SCFD2: variants seen among roughly 807,000 people sequenced by gnomAD.
SCFD2 encodes the protein sec1 family domain-containing protein 2.
SCFD2 carries 54 observed loss-of-function variants against 58.9 expected under a neutral mutation model. The ratio of observed to expected loss-of-function variants is 0.92; its 90% CI spans 0.74 to 1.15. The LOEUF is 1.15. Among genes scored for constraint, SCFD2 ranks in the 50% most tolerant of loss-of-function variants. The pLI is 0.00. For synonymous variants in SCFD2, 321 were observed against 335.9 expected (o/e 0.96, Z 0.49); for missense variants, 805 against 836.6 (o/e 0.96, Z 0.47).
intron 5 of SCFD2, among the ~76,000 whole-genome samples, chr4:53,144,264 C>A (rs1726252386): frequency 6.6e-6 from 1 of 150,928 alleles, no homozygotes; most frequent in Non-Finnish European, 1.5e-5. Flanking sequence ...CTGGGCAACA[C>A]AGTGAGGCCC....
chr4:53,069,435 C>T (rs1277554582), intron 5 of SCFD2, among the ~76,000 whole-genome samples: 2 of 152,026 alleles, frequency 1.3e-5, no homozygotes, highest in Admixed American at 6.6e-5. Flanking sequence ...TGCATACAGA[C>T]TTCATCAGCA....
At position 52,885,771 on chromosome 4, in the gene SCFD2, C is replaced by T. The variant is rs771454314; in HGVS notation, c.1938G>A (p.Val646=). The T allele has an allele frequency of 6.2e-7, 1 of 1,614,066 alleles. No homozygotes were observed. The highest frequency in any genetic ancestry group is 8.5e-7 in the Non-Finnish European group (1 of 1,179,952). ...VSEVKMVKDL[V]ASLKPGTQVI... ...CCTGGGTTCCTGGCTTCAACGATGC[C>T]ACAAGATCTTTGACCATTTTCACTT... The change falls in exon 8 of 9, where the codon GTG becomes GTA. Residue 646 remains valine (V), a synonymous_variant. Coordinates refer to ENST00000401642, the MANE Select transcript of SCFD2 (RefSeq NM_152540.4).
chr4:52,969,656 G>A (rs1560497122), intron 5 of SCFD2, among the ~76,000 whole-genome samples: 1 of 152,204 alleles, frequency 6.6e-6, no homozygotes, highest in Non-Finnish European at 1.5e-5. Context: ...CTCAGTGATT[G>A]TGGAAGTGTG....
At chr4:53,179,258 G>A (rs192701382) in intron 4 of SCFD2, among the ~76,000 whole-genome samples, 1 of 152,124 alleles carries the variant, frequency 6.6e-6, no homozygotes, top group Non-Finnish European at 1.5e-5. Context: ...GAGAAAGGTT[G>A]GGTTACCCAC....
intron 7 of SCFD2, among the ~76,000 whole-genome samples, chr4:52,890,916 T>C (rs967863139): frequency 6.6e-6 from 1 of 152,130 alleles, no homozygotes; most frequent in Non-Finnish European, 1.5e-5. Context: ...GGATCCTGAT[T>C]CCTCCTCCAC....
At chr4:53,167,032 T>A (rs1727032313) in intron 4 of SCFD2, among the ~76,000 whole-genome samples, 1 of 152,188 alleles carries the variant, frequency 6.6e-6, no homozygotes, top group South Asian at 2.1e-4. Context: ...ATTAATCATC[T>A]CTTCTTCAGA....
rs562559336 is a variant in SCFD2, at chr4:53,085,950, G to A, written c.1561+59383C>T. Among the ~76,000 whole-genome samples the A allele has an allele frequency of 1.3e-4, 20 of 152,100 alleles. 1 individual carries two copies. The highest frequency in any genetic ancestry group is 9.6e-4 in the East Asian group (5 of 5,184). ...TATGAAACCACTACAAGAAAATACCGTGGCAACTCTCCAGGAAATTGATTT... is the reference window on the plus strand; with the variant it reads ...TATGAAACCACTACAAGAAAATACCATGGCAACTCTCCAGGAAATTGATTT... On this transcript the variant is annotated intron_variant, in intron 5 of 8. Transcript: ENST00000401642.
At chr4:52,975,894 A>G (rs1721246423) in intron 5 of SCFD2, among the ~76,000 whole-genome samples, 1 of 151,994 alleles carries the variant, frequency 6.6e-6, no homozygotes. Context: ...GAAGCTGGAA[A>G]CCATCATTCT....
chr4:53,201,211 T>C (rs1284335144), intron 4 of SCFD2, among the ~76,000 whole-genome samples: 2 of 151,216 alleles, frequency 1.3e-5, no homozygotes, highest in African/African-American at 4.9e-5. Flanking sequence ...TGTGTGATGT[T>C]CCCCTTCCTG....
chr4:53,349,251 G>C (rs1472106651), intron 2 of SCFD2, among the ~76,000 whole-genome samples: 1 of 152,142 alleles, frequency 6.6e-6, no homozygotes. Flanking sequence ...GAAATAATGA[G>C]GTGTAAAAAA....
intron 5 of SCFD2, among the ~76,000 whole-genome samples, chr4:53,008,434 G>A (rs1005995731): frequency 6.6e-6 from 1 of 152,188 alleles, no homozygotes; most frequent in African/African-American, 2.4e-5. Flanking sequence ...AAAAGGAGAA[G>A]AAACTAAAAT....
chr4:53,187,441 ATATGT>A (rs1177568907), intron 4 of SCFD2, among the ~76,000 whole-genome samples: 3 of 152,090 alleles, frequency 2.0e-5, no homozygotes, highest in Non-Finnish European at 2.9e-5. Flanking sequence ...AAAAAAGTAC[ATATGT>A]TATGACCTAG....
At chr4:53,077,136 T>A (rs1458731297) in intron 5 of SCFD2, among the ~76,000 whole-genome samples, 3 of 152,156 alleles carry the variant, frequency 2.0e-5, no homozygotes, top group Non-Finnish European at 2.9e-5. Flanking sequence ...CTAAGTGTGA[T>A]CACATTTAAT....
intron 3 of SCFD2, among the ~76,000 whole-genome samples, chr4:53,299,361 T>C (rs1484512465): frequency 6.6e-6 from 1 of 152,044 alleles, no homozygotes; most frequent in Non-Finnish European, 1.5e-5. Flanking sequence ...GAAGATCAAA[T>C]GAATGAAATG....
chr4:53,267,178 A>T (rs1731014658), intron 4 of SCFD2, among the ~76,000 whole-genome samples: 1 of 152,170 alleles, frequency 6.6e-6, no homozygotes, highest in African/African-American at 2.4e-5. Context: ...GAGGCCTGGT[A>T]GAAAGTGGTG....
At chr4:52,996,499 C>G (rs1423487314) in intron 5 of SCFD2, among the ~76,000 whole-genome samples, 2 of 152,226 alleles carry the variant, frequency 1.3e-5, no homozygotes, top group Non-Finnish European at 2.9e-5. Context: ...TCATCACATA[C>G]CAACTCAATG....
Position 53,209,864 on chromosome 4 carries a change from C to T in SCFD2, c.1311+63962G>A, listed in dbSNP as rs565221742. 6.6e-5 allele frequency among the ~76,000 whole-genome samples: 10 copies of T among 151,850 alleles called. No homozygotes were observed. In the South Asian group the frequency reaches 2.1e-3, roughly 32 times the overall value. ...GATGGAGAACTCCAATCAGTAAACCCTTTCTCAAAGAAAAGGCCTAGCACT... is the reference window on the plus strand; with the variant it reads ...GATGGAGAACTCCAATCAGTAAACCTTTTCTCAAAGAAAAGGCCTAGCACT... On this transcript the variant is annotated intron_variant, in intron 4 of 8. Coordinates refer to ENST00000401642, the MANE Select transcript of SCFD2 (RefSeq NM_152540.4).
rs1210084750 is a variant in SCFD2, at chr4:53,194,344, G to C, written c.1312-48762C>G. On this transcript the variant is annotated intron_variant, in intron 4 of 8. Coordinates refer to ENST00000401642, the MANE Select transcript of SCFD2 (RefSeq NM_152540.4). ...TGAGATTCTCTTTCTTTTGGTCAAT[G>C]CTTATTCCAATTATGTAAAGAAAAA... Among the ~76,000 whole-genome samples, 6 of 151,914 alleles carry C rather than the reference G, an allele frequency of 3.9e-5. No homozygotes were observed. The East Asian group carries it at 1.2e-3, about 29-fold the overall frequency.
chr4:53,172,428 T>C (rs1337132079), intron 4 of SCFD2, among the ~76,000 whole-genome samples: 1 of 152,230 alleles, frequency 6.6e-6, no homozygotes, highest in Non-Finnish European at 1.5e-5. Flanking sequence ...AGATAAAACA[T>C]TAGGTTGTTT....
Sources: gnomAD v4.1 joint callset for allele counts (sites outside exome capture counted in the v4.1 genomes callset) on GRCh38, gnomAD v4.1.1 for gene constraint, MANE v1.5 for transcripts, NCBI Gene and HGNC (gene_info 2026-07-23, HGNC 2026-07-21) for gene names.